TMEFF1: variants seen among roughly 807,000 people sequenced by gnomAD.
The protein encoded by TMEFF1 is tomoregulin-1.
In TMEFF1, 20 loss-of-function variants were observed where a neutral mutation model predicts 47.5. The observed-to-expected ratio is 0.42, with a 90% CI of 0.30 to 0.61. The LOEUF (loss-of-function observed/expected upper bound fraction) is 0.61. Ranked by LOEUF, TMEFF1 falls within the 20% of genes least tolerant of loss-of-function variation. The pLI is 0.19. For synonymous variants in TMEFF1, 162 were observed against 166.3 expected, an observed-to-expected ratio of 0.97 and a Z score of 0.20; for missense variants, 411 against 471.1, an observed-to-expected ratio of 0.87 and a Z score of 1.18.
intron 1 of TMEFF1, 59 bp from the exon 2 acceptor site, chr9:100,498,690 CACACACACGCGCACAG>C: frequency 7.2e-7 from 1 of 1,390,180 alleles, no homozygotes; most frequent in South Asian, 1.2e-5. Flanking sequence ...TTCATACACA[CACACACACGCGCACAG>C]ACACACACAC....
At chr9:100,486,484 G>C (rs1396660024) in intron 1 of TMEFF1, among the ~76,000 whole-genome samples, 1 of 152,004 alleles carries the variant, frequency 6.6e-6, no homozygotes, top group Non-Finnish European at 1.5e-5. Flanking sequence ...TCAGATAATT[G>C]GTCCGCCTCG....
chr9:100,536,415 C>T lies in TMEFF1; in HGVS notation c.561-11329C>T, dbSNP rs115614464. ...GAAGAGGAACTGGGAACAAAAAAAA[C>T]GAAGAGAAATATGGCCTTTCCTTGG... On this transcript the variant is annotated intron_variant, in intron 5 of 9. Transcript: ENST00000374879. Among the ~76,000 whole-genome samples, 941 of 152,108 alleles carry T rather than the reference C, an allele frequency of 6.2e-3. 9 individuals carry two copies. The highest frequency in any genetic ancestry group is 0.021 in the African/African-American group (878 of 41,504).
At chr9:100,571,413 T>A (rs1839236815) in intron 8 of TMEFF1, among the ~76,000 whole-genome samples, 1 of 152,222 alleles carries the variant, frequency 6.6e-6, no homozygotes, top group Non-Finnish European at 1.5e-5. Context: ...ATTATATTTC[T>A]GTTTTGAAAT....
chr9:100,507,473 A>T (rs55693063), intron 2 of TMEFF1, among the ~76,000 whole-genome samples: 1 of 152,106 alleles, frequency 6.6e-6, no homozygotes, highest in Non-Finnish European at 1.5e-5. Flanking sequence ...TTACATTCCC[A>T]CCTGTGTAGC....
intron 1 of TMEFF1, among the ~76,000 whole-genome samples, chr9:100,476,655 A>G (rs975566067): frequency 1.4e-5 from 2 of 147,744 alleles, no homozygotes; most frequent in African/African-American, 2.5e-5. Flanking sequence ...GGCCTCCCAA[A>G]GTGTTGAGAT....
chr9:100,510,959 A>G (rs919185029), intron 3 of TMEFF1, among the ~76,000 whole-genome samples: 11 of 152,110 alleles, frequency 7.2e-5, no homozygotes, highest in Admixed American at 7.2e-4. Flanking sequence ...CCCCAACACT[A>G]AGTTCCAGTG....
At chr9:100,550,560 C>T (rs1019884946) in intron 7 of TMEFF1, among the ~76,000 whole-genome samples, 22 of 152,082 alleles carry the variant, frequency 1.4e-4, no homozygotes, top group Non-Finnish European at 8.8e-5. Context: ...TGATTAATTC[C>T]TTCTTATCCT....
chr9:100,513,828 G>C (rs1587830380), intron 4 of TMEFF1, among the ~76,000 whole-genome samples: 1 of 152,300 alleles, frequency 6.6e-6, no homozygotes, highest in South Asian at 2.1e-4. Flanking sequence ...AAAAACTCCA[G>C]AGGGAGTTGT....
intron 1 of TMEFF1, among the ~76,000 whole-genome samples, chr9:100,477,766 A>T (rs1206349130): frequency 6.6e-6 from 1 of 151,592 alleles, no homozygotes; most frequent in Non-Finnish European, 1.5e-5. Flanking sequence ...AGCTGGGACT[A>T]CAGGCGCACA....
At chr9:100,522,616 T>A (rs1838183849) in intron 5 of TMEFF1, among the ~76,000 whole-genome samples, 1 of 151,942 alleles carries the variant, frequency 6.6e-6, no homozygotes. Flanking sequence ...TTTGTATTTT[T>A]AGTAGAGATG....
chr9:100,522,026 G>A (rs1482746069), intron 5 of TMEFF1, among the ~76,000 whole-genome samples: 1 of 152,146 alleles, frequency 6.6e-6, no homozygotes, highest in African/African-American at 2.4e-5. Flanking sequence ...CAGATTTCTG[G>A]TCAGTACTAC....
At chr9:100,476,531 A>C (rs998814445) in intron 1 of TMEFF1, among the ~76,000 whole-genome samples, 5 of 151,526 alleles carry the variant, frequency 3.3e-5, no homozygotes, top group African/African-American at 1.2e-4. Context: ...AGTAGCTGGG[A>C]CTACAGGCGC....
At chr9:100,499,697 A>G (rs1837722896) in intron 2 of TMEFF1, among the ~76,000 whole-genome samples, 1 of 152,150 alleles carries the variant, frequency 6.6e-6, no homozygotes, top group Admixed American at 6.6e-5. Flanking sequence ...AGCTCAGGTA[A>G]TTTTCTTGGC....
rs542094312 is a variant in TMEFF1 at position 100,523,319 on chromosome 9, GTTCC to G, written c.560+6550_560+6553del. Reference sequence around the variant, plus strand: ...TAAGCCTACCTTGCGTTCTCCCACAGTTCCTATGTGACCATATTCTGTGTCCCTC... The same window carrying G: ...TAAGCCTACCTTGCGTTCTCCCACAGTATGTGACCATATTCTGTGTCCCTC... On this transcript the variant is annotated intron_variant, in intron 5 of 9. Transcript: ENST00000374879. 8.5e-5 allele frequency among the ~76,000 whole-genome samples: 13 copies of G among 152,244 alleles called. No individual in the cohort carries two copies. The South Asian group carries it at 2.7e-3, about 32-fold the overall frequency.
intron 1 of TMEFF1, among the ~76,000 whole-genome samples, chr9:100,497,932 A>G (rs1837688178): frequency 6.6e-6 from 1 of 151,090 alleles, no homozygotes; most frequent in Admixed American, 6.6e-5. Flanking sequence ...TTTTTTAAAC[A>G]GTCATTTGTT....
chr9:100,532,977 C>G (rs1838421682), intron 5 of TMEFF1, among the ~76,000 whole-genome samples: 1 of 151,320 alleles, frequency 6.6e-6, no homozygotes. Context: ...TGTCAGTAAA[C>G]TATCGCAAGA....
intron 5 of TMEFF1, among the ~76,000 whole-genome samples, chr9:100,517,625 G>A (rs948711856): frequency 1.3e-5 from 2 of 152,070 alleles, no homozygotes; most frequent in African/African-American, 2.4e-5. Context: ...TAATTTATTT[G>A]GTGCATATTT....
intron 5 of TMEFF1, among the ~76,000 whole-genome samples, chr9:100,520,551 C>T (rs1426028896): frequency 6.6e-6 from 1 of 152,090 alleles, no homozygotes; most frequent in East Asian, 1.9e-4. Flanking sequence ...AAGAGAAGTG[C>T]TTTTTTTAAA....
At chr9:100,558,157 T>G (rs1838950857) in intron 7 of TMEFF1, among the ~76,000 whole-genome samples, 1 of 152,198 alleles carries the variant, frequency 6.6e-6, no homozygotes, top group Admixed American at 6.5e-5. Context: ...CTGAGTTCTC[T>G]TATAGCTTTC....
Sources: gnomAD v4.1 joint callset for allele counts (sites outside exome capture counted in the v4.1 genomes callset) on GRCh38, gnomAD v4.1.1 for gene constraint, MANE v1.5 for transcripts, NCBI Gene and HGNC (gene_info 2026-07-23, HGNC 2026-07-21) for gene names.